Variants in DGCR2 observed in about 807,000 individuals in gnomAD.
DGCR2 encodes the protein DiGeorge syndrome critical region gene 2.
DGCR2 carries 24 observed loss-of-function variants against 51.6 expected under a neutral mutation model. The ratio of observed to expected loss-of-function variants is 0.47; its 90% CI spans 0.34 to 0.65. The LOEUF is 0.65. Among genes scored for constraint, DGCR2 ranks in the 30% least tolerant of loss-of-function variants. The probability of loss-of-function intolerance (pLI) is 0.01; values close to 1 mark genes in which losing one functional copy is unlikely to be tolerated. For synonymous variants in DGCR2, 340 were observed against 315.4 expected (o/e 1.08, Z -0.82); for missense variants, 765 against 772.1 (o/e 0.99, Z 0.11).
chr22:19,059,355 G>A (rs1409637949), intron 5 of DGCR2, among the ~76,000 whole-genome samples: 1 of 152,074 alleles, frequency 6.6e-6, no homozygotes, highest in African/African-American at 2.4e-5. Flanking sequence ...TGAGATCCTG[G>A]ACATATTCCA....
intron 3 of DGCR2, 56 bp downstream of exon 3, chr22:19,068,023 CAGTAGTGCTGGAAAGGCAGGG>C (rs1457092744): frequency 6.8e-7 from 1 of 1,471,762 alleles, no homozygotes; most frequent in African/African-American, 1.4e-5. Flanking sequence ...TCACGCAGCA[CAGTAGTGCTGGAAAGGCAGGG>C]GTCATGTCAG....
intron 2 of DGCR2, among the ~76,000 whole-genome samples, chr22:19,082,016 T>C (rs1331807843): frequency 2.0e-5 from 3 of 151,856 alleles, no homozygotes; most frequent in African/African-American, 7.3e-5. Context: ...CTCTCTACTC[T>C]AGCTTGTCTT....
In DGCR2 at chr22:19,122,139, G is replaced by A; in HGVS notation, c.68C>T (p.Pro23Leu). Residue 23 changes from proline to leucine, a missense_variant, in exon 1 of 10, where the codon CCG becomes CTG. Physicochemically the swap from Pro to Leu is moderately conservative, Grantham distance 98. This residue lies in a region of DGCR2 where 370 missense variants were observed against 325.5 expected (regional missense o/e 1.14). Coordinates refer to ENST00000263196, the MANE Select transcript of DGCR2 (RefSeq NM_005137.3). The stretch of plus-strand genomic sequence containing the variant: ...ATCGCGCGGCGCACCTGGCCGCAGC[G>A]GCTCGGTGACAGTGAGCACGAGCAG... The part of the protein sequence containing the change: ...LFLLVLTVTE[P>L]LRPELRCNPG... The A allele has an allele frequency of 6.7e-7, 1 of 1,497,972 alleles. No individual in the cohort carries two copies. Among genetic ancestry groups the A allele is most frequent in the Non-Finnish European group, 8.9e-7 (1 of 1,122,974 alleles). The allele number at this position is 1,497,972 out of a possible 1,614,324, so 92.8% of individuals were successfully genotyped here. A position where few individuals can be genotyped will look rare whatever the true frequency, so the allele number is the denominator to read the frequency against.
At chr22:19,084,442 G>T (rs1376742951) in intron 2 of DGCR2, among the ~76,000 whole-genome samples, 1 of 147,664 alleles carries the variant, frequency 6.8e-6, no homozygotes, top group East Asian at 2.1e-4. Context: ...CCCTCCGCCC[G>T]GCAGCCGCCC....
At chr22:19,085,105 G>GGA (rs200215275) in intron 2 of DGCR2, among the ~76,000 whole-genome samples, 8 of 137,594 alleles carry the variant, frequency 5.8e-5, no homozygotes, top group African/African-American at 1.1e-4. Flanking sequence ...TCCTGCCTTG[G>GGA]AAAAAAAAAA....
Position 19,064,791 on chromosome 22 carries a change from G to C in DGCR2, c.548+57C>G, listed in dbSNP as rs1300382731. Reference sequence around the variant, plus strand: ...TTTACTGAGTGGTCAGAGGCCATGTGCTCAGTAGTCATCAGACTCTGACTC... The same window carrying C: ...TTTACTGAGTGGTCAGAGGCCATGTCCTCAGTAGTCATCAGACTCTGACTC... On this transcript the variant is annotated intron_variant, in intron 4 of 9. Coordinates refer to ENST00000263196, the MANE Select transcript of DGCR2 (RefSeq NM_005137.3). The C allele has an allele frequency of 2.0e-6, 3 of 1,526,018 alleles. No individual in the cohort carries two copies. In the African/African-American group the frequency reaches 4.1e-5, roughly 21 times the overall value. 94.5% of individuals were successfully genotyped at this position (1,526,018 alleles called of 1,614,324 possible). A position where few individuals can be genotyped will look rare whatever the true frequency, so the allele number is the denominator to read the frequency against.
intron 1 of DGCR2, chr22:19,121,570 G>C (rs887813876): frequency 3.3e-5 from 5 of 152,524 alleles, no homozygotes; most frequent in African/African-American, 1.2e-4. Context: ...GCACGGCTAA[G>C]GGCCCCGCAC....
intron 3 of DGCR2, 75 bp downstream of exon 3, chr22:19,068,025 G>A: frequency 6.8e-7 from 1 of 1,473,086 alleles, no homozygotes; most frequent in Non-Finnish European, 9.0e-7. Flanking sequence ...ACGCAGCACA[G>A]TAGTGCTGGA....
intron 7 of DGCR2, 120 bp from the exon 8 acceptor site, chr22:19,042,079 G>A: frequency 8.6e-7 from 1 of 1,167,154 alleles, no homozygotes; most frequent in South Asian, 1.6e-5. Flanking sequence ...GTGTCTCCCT[G>A]CACCCAACCA....
At position 19,064,864 on chromosome 22, in the gene DGCR2, A is replaced by G; in HGVS notation, c.532T>C (p.Trp178Arg). The part of the protein sequence containing the change: ...EWDQPERSFG[W>R]KDQRKLWVGY... Reference sequence around the variant, plus strand: ...AGGACTCACTTGCGCTGGTCCTTCCAACCAAAGCTCCGCTCGGGCTGGTCC... The same window carrying G: ...AGGACTCACTTGCGCTGGTCCTTCCGACCAAAGCTCCGCTCGGGCTGGTCC... Residue 178 changes from tryptophan to arginine, a missense_variant, in exon 4 of 10, where the codon TGG becomes CGG. Around this residue, in one of 3 missense-constraint regions of DGCR2, gnomAD observed 370 missense variants for 325.5 expected, o/e 1.14. Coordinates refer to ENST00000263196, the MANE Select transcript of DGCR2 (RefSeq NM_005137.3). 6.2e-7 allele frequency: 1 copy of G among 1,613,686 alleles called. No homozygotes were observed. The highest frequency in any genetic ancestry group is 8.5e-7 in the Non-Finnish European group (1 of 1,179,946).
At chr22:19,078,658 G>A (rs73877031) in intron 2 of DGCR2, among the ~76,000 whole-genome samples, 1,656 of 152,284 alleles carry the variant, frequency 0.011, 26 homozygotes, top group African/African-American at 0.038. Flanking sequence ...TAGAGGAAAA[G>A]CTTTCAGTCT....
intron 2 of DGCR2, among the ~76,000 whole-genome samples, chr22:19,085,236 A>G (rs2083001995): frequency 6.6e-6 from 1 of 152,334 alleles, no homozygotes. Flanking sequence ...AGTGTGAGCA[A>G]AAGTAAAGTG....
At chr22:19,108,354 T>G (rs2083279944) in intron 1 of DGCR2, among the ~76,000 whole-genome samples, 1 of 152,108 alleles carries the variant, frequency 6.6e-6, no homozygotes, top group Non-Finnish European at 1.5e-5. Flanking sequence ...GAGGATCACT[T>G]GAGCCCAGGA....
intron 2 of DGCR2, among the ~76,000 whole-genome samples, chr22:19,072,717 G>A: frequency 6.6e-6 from 1 of 150,898 alleles, no homozygotes; most frequent in East Asian, 1.9e-4. Flanking sequence ...TAATAAAAAT[G>A]CAAAAAATTA....
chr22:19,060,771 C>A, intron 5 of DGCR2: 1 of 424,012 alleles, frequency 2.4e-6, no homozygotes, highest in Admixed American at 2.8e-5. Context: ...GTCAAACCTG[C>A]AGGGTCTTGG....
chr22:19,059,997 G>A (rs1203919908), intron 5 of DGCR2, among the ~76,000 whole-genome samples: 2 of 152,090 alleles, frequency 1.3e-5, no homozygotes, highest in Admixed American at 1.3e-4. Context: ...GCCACAGAAT[G>A]AGCCTCCACT....
intron 5 of DGCR2, among the ~76,000 whole-genome samples, chr22:19,062,777 T>TCGCG (rs1327897839): frequency 8.0e-6 from 1 of 125,344 alleles, no homozygotes; most frequent in South Asian, 2.6e-4. Flanking sequence ...ACATGCATGC[T>TCGCG]CACTCTCTCT....
intron 1 of DGCR2, among the ~76,000 whole-genome samples, chr22:19,104,018 T>C (rs1390515791): frequency 2.0e-5 from 3 of 151,878 alleles, no homozygotes; most frequent in Admixed American, 6.6e-5. Flanking sequence ...TGAGGCACTG[T>C]TCTTTCAAAA....
chr22:19,122,085 G>T (rs767535943), intron 1 of DGCR2, 43 bp downstream of exon 1: 6 of 1,399,888 alleles, frequency 4.3e-6, no homozygotes, highest in Middle Eastern at 2.5e-4. Flanking sequence ...CCCCGGCCCC[G>T]CTCGCCGCCC....
Sources: gnomAD v4.1 joint callset for allele counts (sites outside exome capture counted in the v4.1 genomes callset) on GRCh38, gnomAD v4.1.1 for gene constraint, gnomAD v4.1.1 regional missense constraint, MANE v1.5 for transcripts, NCBI Gene and HGNC (gene_info 2026-07-23, HGNC 2026-07-21) for gene names.